Variants in RUNX1T1 observed in about 807,000 individuals in gnomAD.
RUNX1T1 encodes protein CBFA2T1.
Under a neutral mutation model 62.8 loss-of-function variants are expected in RUNX1T1, and 4 were observed. The ratio of observed to expected loss-of-function variants is 0.06; its 90% CI spans 0.03 to 0.15. The LOEUF is 0.15. Among genes scored for constraint, RUNX1T1 ranks in the 10% least tolerant of loss-of-function variants. The pLI, the probability that RUNX1T1 is intolerant of heterozygous loss-of-function variation, is 1.00. For missense variants in RUNX1T1, 508 were observed against 754.3 expected, an observed-to-expected ratio of 0.67 and a Z score of 3.82; for synonymous variants, 291 against 286.0, an observed-to-expected ratio of 1.02 and a Z score of -0.18.
At chr8:92,065,592 T>C (rs555214754), upstream of RUNX1T1, among the ~76,000 whole-genome samples, 4 of 152,228 alleles carry the variant, frequency 2.6e-5, no homozygotes, top group Non-Finnish European at 5.9e-5. Flanking sequence ...CTGACAACTT[T>C]AGATCATTCA....
intron 5 of RUNX1T1, among the ~76,000 whole-genome samples, chr8:92,004,161 G>C (rs1820286624): frequency 6.6e-6 from 1 of 152,200 alleles, no homozygotes; most frequent in South Asian, 2.1e-4. Context: ...TATGAATGTG[G>C]AACATAACTG....
chr8:91,971,329 C>T (rs1392656190), intron 9 of RUNX1T1, among the ~76,000 whole-genome samples: 2 of 151,968 alleles, frequency 1.3e-5, no homozygotes, highest in African/African-American at 2.4e-5. Flanking sequence ...AATTCAGACA[C>T]ATAAAGTCAG....
chr8:92,080,444 T>C (rs1335585033), intron 1 of RUNX1T1, among the ~76,000 whole-genome samples: 4 of 152,216 alleles, frequency 2.6e-5, no homozygotes, highest in Non-Finnish European at 5.9e-5. Flanking sequence ...CATCCACGGC[T>C]ATGAAGCCAG....
chr8:91,975,960 T>C, exon 9 of RUNX1T1: 7 of 1,612,892 alleles, frequency 4.3e-6, no homozygotes, highest in Non-Finnish European at 5.9e-6. Context: ...TGTGAAGGAA[T>C]TCCCGATGCG....
At chr8:92,011,395 C>T (rs1163979500) in intron 3 of RUNX1T1, among the ~76,000 whole-genome samples, 6 of 152,144 alleles carry the variant, frequency 3.9e-5, no homozygotes, top group African/African-American at 1.2e-4. Context: ...GAAGAATCTT[C>T]TAATATTGCC....
chr8:91,965,218 C>T (rs1240613558), intron 10 of RUNX1T1, among the ~76,000 whole-genome samples: 1 of 152,154 alleles, frequency 6.6e-6, no homozygotes, highest in Non-Finnish European at 1.5e-5. Context: ...CATTAACTTA[C>T]TTCTCCTCAT....
intron 1 of RUNX1T1, among the ~76,000 whole-genome samples, chr8:92,030,021 C>T (rs112052955): frequency 1.3e-5 from 2 of 152,214 alleles, no homozygotes; most frequent in South Asian, 4.1e-4. Context: ...TCCAAACCTT[C>T]AAATGACCAA....
chr8:92,074,062 T>C (rs1834063510), intron 2 of RUNX1T1, among the ~76,000 whole-genome samples: 1 of 152,098 alleles, frequency 6.6e-6, no homozygotes, highest in Non-Finnish European at 1.5e-5. Context: ...AATAGGTCAA[T>C]ACAAATATGT....
intron 1 of RUNX1T1, chr8:92,095,620 G>A: frequency 7.3e-7 from 1 of 1,372,882 alleles, no homozygotes; most frequent in Non-Finnish European, 9.5e-7. Flanking sequence ...AAGTGGGAGA[G>A]AGAGAGAGAA....
At chr8:92,026,911 A>G (rs1398671454) in intron 1 of RUNX1T1, among the ~76,000 whole-genome samples, 1 of 151,372 alleles carries the variant, frequency 6.6e-6, no homozygotes, top group Admixed American at 6.6e-5. Context: ...AGGTCAGGAG[A>G]TCGAGACCAT....
chr8:92,078,366 G>A (rs6471319), intron 1 of RUNX1T1, among the ~76,000 whole-genome samples: 127,620 of 152,066 alleles, frequency 0.84, 53,852 homozygotes, highest in East Asian at 0.99. Flanking sequence ...GACCTATTCC[G>A]CACTGAAGTC....
At chr8:92,063,705 A>AC (rs1832430484), upstream of RUNX1T1, 1 of 152,232 alleles carries the variant, frequency 6.6e-6, no homozygotes, top group South Asian at 2.1e-4. Context: ...TGCCTCTTCT[A>AC]AACACACAAC....
chr8:92,001,716 A>G (rs1014770566), intron 5 of RUNX1T1, among the ~76,000 whole-genome samples: 6 of 152,252 alleles, frequency 3.9e-5, no homozygotes, highest in Admixed American at 1.3e-4. Context: ...AGCAAGAAAA[A>G]TCCTAAACCA....
intron 2 of RUNX1T1, among the ~76,000 whole-genome samples, chr8:92,075,699 G>C (rs981888552): frequency 6.6e-6 from 1 of 152,056 alleles, no homozygotes; most frequent in African/African-American, 2.4e-5. Flanking sequence ...ACTGCAACAA[G>C]AAGAGGGTGA....
intron 2 of RUNX1T1, among the ~76,000 whole-genome samples, chr8:92,070,809 G>T (rs1833558679): frequency 6.6e-6 from 1 of 152,212 alleles, no homozygotes; most frequent in Admixed American, 6.5e-5. Context: ...TGCATCTAAA[G>T]GGTAAATGCC....
At chr8:91,982,558 A>G (rs1815567620) in intron 8 of RUNX1T1, among the ~76,000 whole-genome samples, 2 of 152,212 alleles carry the variant, frequency 1.3e-5, no homozygotes, top group Non-Finnish European at 2.9e-5. Context: ...CAATGGTCAA[A>G]TCTGTCAATT....
chr8:92,044,773 T>A (rs1297239067), intron 1 of RUNX1T1, among the ~76,000 whole-genome samples: 1 of 152,170 alleles, frequency 6.6e-6, no homozygotes, highest in South Asian at 2.1e-4. Flanking sequence ...AAAAAGCAAG[T>A]AAAAGGAGGG....
At chr8:92,065,290 G>A (rs978105699), upstream of RUNX1T1, among the ~76,000 whole-genome samples, 1 of 152,042 alleles carries the variant, frequency 6.6e-6, no homozygotes, top group South Asian at 2.1e-4. Flanking sequence ...GCAAGTGAAT[G>A]GAGAAAAACA....
chr8:92,038,238 T>C (rs1289841439), intron 1 of RUNX1T1, among the ~76,000 whole-genome samples: 1 of 151,992 alleles, frequency 6.6e-6, no homozygotes, highest in Non-Finnish European at 1.5e-5. Context: ...TTATATCCTT[T>C]TAATTGGAGT....
Sources: allele counts gnomAD v4.1 joint callset (sites outside exome capture counted in the v4.1 genomes callset), GRCh38; gene constraint gnomAD v4.1.1; transcripts MANE v1.5; gene names NCBI Gene and HGNC (gene_info 2026-07-23, HGNC 2026-07-21).